SPCS3: variants seen among roughly 807,000 people sequenced by gnomAD.
The protein encoded by SPCS3 is SPase 22 kDa subunit.
Under a neutral mutation model 17.2 loss-of-function variants are expected in SPCS3, and 9 were observed. The ratio of observed to expected loss-of-function variants is 0.52; its 90% CI spans 0.31 to 0.91. The LOEUF is 0.91. Among genes scored for constraint, SPCS3 ranks in the 40% least tolerant of loss-of-function variants. The pLI, the probability that SPCS3 is intolerant of heterozygous loss-of-function variation, is 0.04. For missense variants in SPCS3, 139 were observed against 217.5 expected, an observed-to-expected ratio of 0.64 and a Z score of 2.27; for synonymous variants, 87 against 89.6, an observed-to-expected ratio of 0.97 and a Z score of 0.16.
At position 176,332,054 on chromosome 4, in the gene SPCS3, CT is replaced by C. The variant is rs67194984; in HGVS notation, c.*3733del. Reference sequence around the variant, plus strand: ...AGAAACCAAGTCTAGTAGGTTTTTTCTTTTTTTTTGTGGGGGTGGGATGGGG... The same window carrying C: ...AGAAACCAAGTCTAGTAGGTTTTTTCTTTTTTTTGTGGGGGTGGGATGGGG... On this transcript the variant is annotated 3_prime_UTR_variant, in exon 5 of 5. Transcript: ENST00000503362. 51,173 of 151,162 alleles carry C rather than the reference CT, an allele frequency of 0.34. 8,697 individuals carry two copies. The highest frequency in any genetic ancestry group is 0.53 in the Middle Eastern group (158 of 300). The allele number at this position is 151,162 out of a possible 1,614,324, so 9.4% of individuals were successfully genotyped here.
At chr4:176,326,248 CT>C (rs1364864449) in intron 3 of SPCS3, among the ~76,000 whole-genome samples, 1 of 151,994 alleles carries the variant, frequency 6.6e-6, no homozygotes, top group Non-Finnish European at 1.5e-5. Flanking sequence ...TTGCAGTGAG[CT>C]GAGATTGTGC....
In SPCS3 at chr4:176,322,213, C is replaced by T. The variant is rs1731547763; in HGVS notation, c.187C>T (p.Leu63=). Residue 63 remains leucine (L), a synonymous_variant, in exon 2 of 5, where the codon CTG becomes TTG. Coordinates refer to ENST00000503362, the MANE Select transcript of SPCS3 (RefSeq NM_021928.4). ...CACTGGACCTAGAGAAAGAAGTGAT[C>T]TGGGATTTATCACATTTGATATAAC... ...DFTGPRERSD[L]GFITFDITAD... 2.5e-6 allele frequency: 4 copies of T among 1,607,550 alleles called. No homozygotes were observed. The South Asian group carries it at 4.4e-5, about 18-fold the overall frequency.
Position 176,329,945 on chromosome 4 carries a change from T to TA in SPCS3, c.*1616dup. On this transcript the variant is annotated 3_prime_UTR_variant, in exon 5 of 5. Coordinates refer to ENST00000503362, the MANE Select transcript of SPCS3 (RefSeq NM_021928.4). The stretch of plus-strand genomic sequence containing the variant: ...TATAGTTCATGCAAAAGCCTGTGGG[T>TA]ATGGGTTTTTCAAACCAGCAGAAAG... 1 of 152,192 alleles carries TA rather than the reference T, an allele frequency of 6.6e-6. No homozygotes were observed. Among genetic ancestry groups the TA allele is most frequent in the East Asian group, 1.9e-4 (1 of 5,192 alleles). The allele number at this position is 152,192 out of a possible 1,614,324, so 9.4% of individuals were successfully genotyped here.
Position 176,328,400 on chromosome 4 carries a change from A to G in SPCS3, c.*70A>G, listed in dbSNP as rs942400778. 2.5e-6 allele frequency: 3 copies of G among 1,206,242 alleles called. No homozygotes were observed. The African/African-American group carries it at 5.0e-5, about 20-fold the overall frequency. 74.7% of individuals were successfully genotyped at this position (1,206,242 alleles called of 1,614,324 possible). The stretch of plus-strand genomic sequence containing the variant: ...GTATCTCATTAATCTCTTCCCTTAC[A>G]TCTTCATGTATTGTTGGTTTGTTTT... On this transcript the variant is annotated 3_prime_UTR_variant, in exon 5 of 5. Transcript: ENST00000503362.
At chr4:176,324,078 C>T (rs898298209) in intron 2 of SPCS3, 103 bp from the exon 3 acceptor site, 45 of 579,260 alleles carry the variant, frequency 7.8e-5, no homozygotes, top group Non-Finnish European at 1.1e-4. Flanking sequence ...CGCCTCTTTT[C>T]TACTTTAGTA....
At chr4:176,326,704 A>C (rs1177984798) in intron 3 of SPCS3, among the ~76,000 whole-genome samples, 1 of 152,222 alleles carries the variant, frequency 6.6e-6, no homozygotes, top group African/African-American at 2.4e-5. Flanking sequence ...AACCTGTATT[A>C]GCAGTGTGAT....
Position 176,328,285 on chromosome 4 carries a change from A to C in SPCS3, c.498A>C (p.Val166=). The change falls in exon 5 of 5, where the codon GTA becomes GTC. Residue 166 remains valine, a synonymous_variant. Coordinates refer to ENST00000503362, the MANE Select transcript of SPCS3 (RefSeq NM_021928.4). ...CTCTTGTGACAGGATCAGGACACGTATCTGTCCCATTTCCAGATACATATG... is the reference window on the plus strand; with the variant it reads ...CTCTTGTGACAGGATCAGGACACGTCTCTGTCCCATTTCCAGATACATATG... ...ILPLVTGSGH[V]SVPFPDTYEI... 2 of 1,611,108 alleles carry C rather than the reference A, an allele frequency of 1.2e-6. No homozygotes were observed. Among genetic ancestry groups the C allele is most frequent in the South Asian group, 2.2e-5 (2 of 90,458 alleles).
chr4:176,320,007 G>C lies in SPCS3; in HGVS notation c.-70G>C, dbSNP rs1333228598. 1 of 1,424,222 alleles carries C rather than the reference G, an allele frequency of 7.0e-7. No individual in the cohort carries two copies. Among genetic ancestry groups the C allele is most frequent in the Admixed American group, 2.4e-5 (1 of 41,114 alleles). 88.2% of individuals were successfully genotyped at this position (1,424,222 alleles called of 1,614,324 possible). The stretch of plus-strand genomic sequence containing the variant: ...CACCGCAGACGGCGCGGATCGCAGG[G>C]AGCCGGTCCGCCGCCGGAACGGGAG... On this transcript the variant is annotated 5_prime_UTR_variant, in exon 1 of 5. Transcript: ENST00000503362.
At chr4:176,325,472 T>TA (rs1366449647) in intron 3 of SPCS3, among the ~76,000 whole-genome samples, 1 of 151,710 alleles carries the variant, frequency 6.6e-6, no homozygotes, top group African/African-American at 2.4e-5. Flanking sequence ...ATTATGACTA[T>TA]ATATAATCAA....
At chr4:176,325,010 C>T (rs1238561020) in intron 3 of SPCS3, among the ~76,000 whole-genome samples, 6 of 150,344 alleles carry the variant, frequency 4.0e-5, no homozygotes, top group African/African-American at 9.8e-5. Flanking sequence ...AGTGGGTAGC[C>T]GGTAGTATTG....
At chr4:176,323,204 A>AT (rs746961989) in intron 2 of SPCS3, among the ~76,000 whole-genome samples, 2 of 152,130 alleles carry the variant, frequency 1.3e-5, no homozygotes, top group Non-Finnish European at 2.9e-5. Context: ...TTTCATGTGT[A>AT]TTTTTAAGTC....
chr4:176,320,160 C>T lies in SPCS3; in HGVS notation c.84C>T (p.Ile28=), dbSNP rs1731515262. ...CGGCGCTCACCTTCGGCTGCTTCATCACCACCGCCTTCAAAGACAGGAGCG... is the reference window on the plus strand; with the variant it reads ...CGGCGCTCACCTTCGGCTGCTTCATTACCACCGCCTTCAAAGACAGGAGCG... ...VMAALTFGCF[I]TTAFKDRSVP... The change falls in exon 1 of 5, where the codon ATC becomes ATT. Residue 28 remains isoleucine, a synonymous_variant. Coordinates refer to ENST00000503362, the MANE Select transcript of SPCS3 (RefSeq NM_021928.4). 1.3e-6 allele frequency: 2 copies of T among 1,583,904 alleles called. No individual in the cohort carries two copies. Among genetic ancestry groups the T allele is most frequent in the African/African-American group, 2.8e-5 (2 of 71,864 alleles).
Position 176,330,727 on chromosome 4 carries a change from T to A in SPCS3, c.*2397T>A, listed in dbSNP as rs927171580. On this transcript the variant is annotated 3_prime_UTR_variant, in exon 5 of 5. Transcript: ENST00000503362. ...GTTTTAAAGAAGTCTCATAATGTTCTACAAAGACACAAAGCTTCAGGCTTA... is the reference window on the plus strand; with the variant it reads ...GTTTTAAAGAAGTCTCATAATGTTCAACAAAGACACAAAGCTTCAGGCTTA... 12 of 152,222 alleles carry A rather than the reference T, an allele frequency of 7.9e-5. No individual in the cohort carries two copies. The highest frequency in any genetic ancestry group is 2.9e-4 in the African/African-American group (12 of 41,454). The allele number at this position is 152,222 out of a possible 1,614,324, so 9.4% of individuals were successfully genotyped here. A position where few individuals can be genotyped will look rare whatever the true frequency, so the allele number is the denominator to read the frequency against.
intron 3 of SPCS3, among the ~76,000 whole-genome samples, 170 bp downstream of exon 3, chr4:176,324,427 TTTG>T (rs141906073): frequency 0.058 from 8,833 of 152,164 alleles, 280 homozygotes; most frequent in Middle Eastern, 0.082. Flanking sequence ...TGGGAGCCTT[TTTG>T]TTGTTGTTGT....
At chr4:176,322,467 G>A (rs745780130) in intron 2 of SPCS3, among the ~76,000 whole-genome samples, 1 of 152,090 alleles carries the variant, frequency 6.6e-6, no homozygotes, top group Admixed American at 6.5e-5. Context: ...ATTCTTAACC[G>A]AAACATTAAA....
rs1371975374 is a variant in SPCS3, at chr4:176,328,492, G to A, written c.*162G>A. On this transcript the variant is annotated 3_prime_UTR_variant, in exon 5 of 5. Coordinates refer to ENST00000503362, the MANE Select transcript of SPCS3 (RefSeq NM_021928.4). Reference sequence around the variant, plus strand: ...TAACATCAAAAGGCCTGTTTAAAGGGAAAGGTTAATGGGCTACTTAATATT... The same window carrying A: ...TAACATCAAAAGGCCTGTTTAAAGGAAAAGGTTAATGGGCTACTTAATATT... 15 of 453,914 alleles carry A rather than the reference G, an allele frequency of 3.3e-5. No individual in the cohort carries two copies. Among genetic ancestry groups the A allele is most frequent in the African/African-American group, 3.1e-4 (15 of 48,036 alleles). The allele number at this position is 453,914 out of a possible 1,614,324, so 28.1% of individuals were successfully genotyped here. A position where few individuals can be genotyped will look rare whatever the true frequency, so the allele number is the denominator to read the frequency against.
chr4:176,320,318 G>A (rs1731518390), intron 1 of SPCS3, 99 bp downstream of exon 1: 3 of 1,145,486 alleles, frequency 2.6e-6, no homozygotes, highest in Admixed American at 9.2e-5. Flanking sequence ...CGGGGCCGCG[G>A]GCAGGGCGTC....
chr4:176,324,838 A>C (rs1731582900), intron 3 of SPCS3, among the ~76,000 whole-genome samples: 1 of 152,196 alleles, frequency 6.6e-6, no homozygotes, highest in African/African-American at 2.4e-5. Context: ...GGTGGAGCTC[A>C]TACTTGTATT....
In SPCS3 at chr4:176,319,999, A is replaced by C; in HGVS notation, c.-78A>C. ...AACGCGCGCACCGCAGACGGCGCGG[A>C]TCGCAGGGAGCCGGTCCGCCGCCGG... On this transcript the variant is annotated 5_prime_UTR_variant, in exon 1 of 5. Transcript: ENST00000503362. 1.5e-6 allele frequency: 2 copies of C among 1,369,490 alleles called. No individual in the cohort carries two copies. The highest frequency in any genetic ancestry group is 9.5e-7 in the Non-Finnish European group (1 of 1,048,038). 84.8% of individuals were successfully genotyped at this position (1,369,490 alleles called of 1,614,324 possible). A position where few individuals can be genotyped will look rare whatever the true frequency, so the allele number is the denominator to read the frequency against.
Sources: allele counts gnomAD v4.1 joint callset (sites outside exome capture counted in the v4.1 genomes callset), GRCh38; gene constraint gnomAD v4.1.1; transcripts MANE v1.5; gene names NCBI Gene and HGNC (gene_info 2026-07-23, HGNC 2026-07-21).